UTRN: variants seen among roughly 807,000 people sequenced by gnomAD.
The protein encoded by UTRN is dystrophin-related protein 1.
Under a neutral mutation model 463.9 loss-of-function variants are expected in UTRN, and 283 were observed. The ratio of observed to expected loss-of-function variants is 0.61; its 90% CI spans 0.55 to 0.67. The LOEUF is 0.67. UTRN is among the 30% of genes least tolerant of loss of function. The pLI, the probability that UTRN is intolerant of heterozygous loss-of-function variation, is 0.00. For missense variants in UTRN, 3,922 were observed against 4,084.3 expected, an observed-to-expected ratio of 0.96 and a Z score of 1.08; for synonymous variants, 1,442 against 1,431.5, an observed-to-expected ratio of 1.01 and a Z score of -0.17.
intron 51 of UTRN, among the ~76,000 whole-genome samples, chr6:144,660,785 C>T (rs1779795637): frequency 6.6e-6 from 1 of 152,134 alleles, no homozygotes. Flanking sequence ...GCACATCTGA[C>T]CTCAGGCTTT....
chr6:144,730,427 T>G lies in UTRN; in HGVS notation c.7880T>G (p.Leu2627Trp), dbSNP rs1381077823. ...GCTGTCGACCAGGCCCGAGTTTTCT[T>G]GGCTGATCAGCCAATTGAGGCCCCT... ...LNAVDQARVFLADQPIEAPEE... is the reference protein window; with the variant it reads ...LNAVDQARVFWADQPIEAPEE... The change falls in exon 54 of 75, where the codon TTG becomes TGG. Residue 2627 changes from leucine to tryptophan, a missense_variant. Physicochemically the swap from Leu to Trp is moderately conservative, Grantham distance 61 (BLOSUM62 -2). This residue lies in a region of UTRN where 1,309 missense variants were observed against 1,452.6 expected (regional missense o/e 0.90). Transcript: ENST00000367545. 2 of 1,611,856 alleles carry G rather than the reference T, an allele frequency of 1.2e-6. No homozygotes were observed. The highest frequency in any genetic ancestry group is 1.7e-5 in the Admixed American group (1 of 59,802).
intron 2 of UTRN, among the ~76,000 whole-genome samples, chr6:144,367,144 C>T (rs147246185): frequency 6.1e-4 from 93 of 152,118 alleles, no homozygotes; most frequent in Middle Eastern, 3.4e-3. Context: ...CCATCACACC[C>T]GGCTAATTTT....
Position 144,533,107 on chromosome 6 carries a change from G to A in UTRN, c.6080G>A (p.Ser2027Asn). The A allele has an allele frequency of 6.2e-7, 1 of 1,610,022 alleles. No homozygotes were observed. ...CAGGAACTTGAGGTGGGCATCAGCAGCCACCAGCCCAGTTTTGCAGCACTA... is the reference window on the plus strand; with the variant it reads ...CAGGAACTTGAGGTGGGCATCAGCAACCACCAGCCCAGTTTTGCAGCACTA... ...HQQELEVGIS[S>N]HQPSFAALNR... The change falls in exon 43 of 75, where the codon AGC becomes AAC. Residue 2027 changes from serine to asparagine, a missense_variant. Transcript: ENST00000367545.
At chr6:144,335,158 G>A (rs1776624481) in intron 2 of UTRN, among the ~76,000 whole-genome samples, 1 of 152,144 alleles carries the variant, frequency 6.6e-6, no homozygotes, top group African/African-American at 2.4e-5. Context: ...TTTACTACTG[G>A]ACATTCTCTG....
At chr6:144,803,989 G>A (rs1485249229) in intron 65 of UTRN, among the ~76,000 whole-genome samples, 1 of 151,824 alleles carries the variant, frequency 6.6e-6, no homozygotes, top group African/African-American at 2.4e-5. Flanking sequence ...CACCAGTATT[G>A]GACATAAGTT....
chr6:144,583,582 G>A (rs1293788601), intron 51 of UTRN: 2 of 712,040 alleles, frequency 2.8e-6, no homozygotes, highest in South Asian at 1.5e-5. Flanking sequence ...CTTCTCCTCG[G>A]TATCAGAAGC....
chr6:144,344,903 G>C (rs769680540), intron 2 of UTRN, among the ~76,000 whole-genome samples: 1 of 152,138 alleles, frequency 6.6e-6, no homozygotes, highest in Non-Finnish European at 1.5e-5. Flanking sequence ...CTTTTCTCTC[G>C]CTGAAGTTTA....
intron 51 of UTRN, among the ~76,000 whole-genome samples, chr6:144,595,300 C>T (rs549619896): frequency 1.9e-4 from 29 of 152,136 alleles, no homozygotes; most frequent in Non-Finnish European, 4.3e-4. Flanking sequence ...ATTAAATTTC[C>T]TATGAATAAA....
intron 65 of UTRN, among the ~76,000 whole-genome samples, chr6:144,805,472 G>A (rs1562933352): frequency 6.6e-6 from 1 of 152,186 alleles, no homozygotes; most frequent in Admixed American, 6.5e-5. Flanking sequence ...TAAAGAACTA[G>A]TAGAAGCATG....
At chr6:144,309,681 T>G (rs1806071654) in intron 2 of UTRN, among the ~76,000 whole-genome samples, 1 of 152,224 alleles carries the variant, frequency 6.6e-6, no homozygotes, top group South Asian at 2.1e-4. Context: ...CTTCCTCCCT[T>G]GGCCCATGGA....
intron 51 of UTRN, among the ~76,000 whole-genome samples, chr6:144,598,606 A>C (rs1295254707): frequency 6.6e-6 from 1 of 152,196 alleles, no homozygotes; most frequent in Non-Finnish European, 1.5e-5. Context: ...ACAGCTTTGC[A>C]GGGGTATTTC....
chr6:144,712,660 A>C (rs1785859355), intron 53 of UTRN, among the ~76,000 whole-genome samples: 1 of 152,208 alleles, frequency 6.6e-6, no homozygotes, highest in Non-Finnish European at 1.5e-5. Flanking sequence ...CATGGAGCTC[A>C]CTTCACTCTC....
intron 51 of UTRN, among the ~76,000 whole-genome samples, chr6:144,622,175 T>G (rs1010359333): frequency 2.2e-5 from 3 of 134,172 alleles, no homozygotes; most frequent in Non-Finnish European, 3.0e-5. Context: ...GTATCCATTT[T>G]TTTTTGTTGT....
chr6:144,525,558 T>G (rs1327340981), intron 41 of UTRN, among the ~76,000 whole-genome samples: 1 of 152,168 alleles, frequency 6.6e-6, no homozygotes, highest in Non-Finnish European at 1.5e-5. Context: ...TGAACTGATT[T>G]GGATCCTCTC....
In UTRN at chr6:144,827,710, T is replaced by G. The variant is rs759758911; in HGVS notation, c.9599+34T>G. On this transcript the variant is annotated intron_variant, in intron 68 of 74. Transcript: ENST00000367545. ...CTTTGATCAGAGCCCTCCACTGCAC[T>G]GCCACCCAGAATGTATCTATGTCTA... 6 of 1,598,932 alleles carry G rather than the reference T, an allele frequency of 3.8e-6. No homozygotes were observed. The Admixed American group carries it at 8.4e-5, about 22-fold the overall frequency.
At chr6:144,513,420 C>T (rs1795346211) in intron 35 of UTRN, among the ~76,000 whole-genome samples, 2 of 151,990 alleles carry the variant, frequency 1.3e-5, no homozygotes, top group Admixed American at 1.3e-4. Context: ...TATGGTGGTG[C>T]AAGCCTGCAG....
At chr6:144,482,613 C>G (rs1792013732) in intron 27 of UTRN, among the ~76,000 whole-genome samples, 1 of 151,962 alleles carries the variant, frequency 6.6e-6, no homozygotes, top group African/African-American at 2.4e-5. Flanking sequence ...CAAAATCTGT[C>G]CCTAATTATC....
At chr6:144,422,395 T>TTGCCTGAGCTCAGCAGTTCGAGACC (rs1784905926) in intron 4 of UTRN, among the ~76,000 whole-genome samples, 1 of 152,196 alleles carries the variant, frequency 6.6e-6, no homozygotes, top group South Asian at 2.1e-4. Context: ...GGTGGGCGGA[T>TTGCCTGAGCTCAGCAGTTCGAGACC]TGCCTGAGCT....
At chr6:144,765,361 T>G (rs1193210023) in intron 58 of UTRN, among the ~76,000 whole-genome samples, 1 of 152,260 alleles carries the variant, frequency 6.6e-6, no homozygotes, top group Non-Finnish European at 1.5e-5. Flanking sequence ...TATTTCTATA[T>G]AGTCCTTTCC....
Sources: allele counts gnomAD v4.1 joint callset (sites outside exome capture counted in the v4.1 genomes callset), GRCh38; gene constraint gnomAD v4.1.1; regional missense constraint gnomAD v4.1.1; transcripts MANE v1.5; gene names NCBI Gene and HGNC (gene_info 2026-07-23, HGNC 2026-07-21).